CCDC50: variants seen among roughly 807,000 people sequenced by gnomAD.
The protein encoded by CCDC50 is coiled-coil domain containing 50.
A neutral mutation model predicts 70.2 loss-of-function variants in CCDC50; 54 were observed. That is an observed-to-expected ratio of 0.77 (90% CI 0.62 to 0.96). CCDC50 has a LOEUF of 0.96. Among genes scored for constraint, CCDC50 ranks in the 50% least tolerant of loss-of-function variants. The pLI is 0.00. For synonymous variants in CCDC50, 216 were observed against 198.8 expected (o/e 1.09, Z -0.73); for missense variants, 558 against 578.7 (o/e 0.96, Z 0.37).
rs776316692 is a variant in CCDC50, at chr3:191,353,225, T to C, written c.50-3863T>C. ...AAATGTCTGGGCAGAGGGGAGAGCC[T>C]ACGGGACCATTGAGATCTGGTGGGA... is the stretch of plus-strand genomic sequence containing the variant. On this transcript the variant is annotated intron_variant, in intron 1 of 11. Coordinates refer to ENST00000392455, the MANE Select transcript of CCDC50 (RefSeq NM_178335.3). Among the ~76,000 whole-genome samples, 37 of 142,364 alleles carry C rather than the reference T, an allele frequency of 2.6e-4. 10 individuals carry two copies. The highest frequency in any genetic ancestry group is 5.2e-4 in the Non-Finnish European group (33 of 63,122). 93.4% of individuals were successfully genotyped at this position (142,364 alleles called of 152,430 possible). A position where few individuals can be genotyped will look rare whatever the true frequency, so the allele number is the denominator to read the frequency against.
intron 4 of CCDC50, among the ~76,000 whole-genome samples, chr3:191,365,584 A>G (rs1712656465): frequency 6.6e-6 from 1 of 152,184 alleles, no homozygotes; most frequent in African/African-American, 2.4e-5. Flanking sequence ...TTTTGGATTT[A>G]TACCTGCCTT....
At chr3:191,364,316 C>T (rs1648190994) in intron 4 of CCDC50, among the ~76,000 whole-genome samples, 1 of 151,954 alleles carries the variant, frequency 6.6e-6, no homozygotes, top group South Asian at 2.1e-4. Flanking sequence ...ATCCGCCCAC[C>T]TCAGCCTCCC....
Position 191,380,899 on chromosome 3 carries a change from T to C in CCDC50, c.1209T>C (p.Ser403=). Residue 403 remains serine (S), a synonymous_variant, in exon 9 of 12, where the codon TCT becomes TCC. Coordinates refer to ENST00000392455, the MANE Select transcript of CCDC50 (RefSeq NM_178335.3). ...YKKAKEREKS[S]LDKRKQDPEW... The stretch of plus-strand genomic sequence containing the variant: ...AAGCCAAGGAGCGGGAGAAATCATC[T>C]TTGGACAAAAGAAAGCAAGACCCCG... The C allele has an allele frequency of 1.9e-6, 3 of 1,612,896 alleles. No individual in the cohort carries two copies. The highest frequency in any genetic ancestry group is 2.5e-6 in the Non-Finnish European group (3 of 1,179,212).
intron 1 of CCDC50, among the ~76,000 whole-genome samples, chr3:191,353,832 G>T (rs1277185438): frequency 1.0e-5 from 1 of 98,450 alleles, no homozygotes; most frequent in Admixed American, 1.1e-4. Context: ...GTGTGTATGT[G>T]TTCATGTACT....
intron 1 of CCDC50, among the ~76,000 whole-genome samples, chr3:191,330,172 C>T (rs537175181): frequency 6.6e-6 from 1 of 152,300 alleles, no homozygotes; most frequent in East Asian, 1.9e-4. Context: ...CTCCTTCTCT[C>T]CCTACTTTTC....
Position 191,381,167 on chromosome 3 carries a change from A to C in CCDC50, c.1242+235A>C, listed in dbSNP as rs866539732. On this transcript the variant is annotated intron_variant, in intron 9 of 11. Coordinates refer to ENST00000392455, the MANE Select transcript of CCDC50 (RefSeq NM_178335.3). ...GAAAACTCATTCTGTTCCCTTTAAG[A>C]CGGAGTGAAATGCAAGTGCTTCTGG... is the stretch of plus-strand genomic sequence containing the variant. Among the ~76,000 whole-genome samples the C allele has an allele frequency of 3.7e-3, 567 of 152,258 alleles. 1 individual carries two copies. The highest frequency in any genetic ancestry group is 5.8e-3 in the Non-Finnish European group (393 of 67,988).
At chr3:191,353,892 C>T (rs536262230) in intron 1 of CCDC50, among the ~76,000 whole-genome samples, 4 of 152,234 alleles carry the variant, frequency 2.6e-5, no homozygotes, top group South Asian at 4.1e-4. Context: ...CTCAGGCCCT[C>T]CTCATATCTT....
At position 191,375,286 on chromosome 3, in the gene CCDC50, A is replaced by G. The variant is rs1253911948; in HGVS notation, c.673A>G (p.Arg225Gly). The stretch of plus-strand genomic sequence containing the variant: ...CCATATTAACAATGAGCAGCATGAA[A>G]GGAAACGGTCCACTCAGGAGAGGCC... ...NPHINNEQHERKRSTQERPRR... is the reference protein window; with the variant it reads ...NPHINNEQHEGKRSTQERPRR... The change falls in exon 6 of 12, where the codon AGG becomes GGG. Residue 225 changes from arginine to glycine, a missense_variant. Physicochemically the swap from Arg to Gly is moderately radical, Grantham distance 125 (BLOSUM62 -2). Coordinates refer to ENST00000392455, the MANE Select transcript of CCDC50 (RefSeq NM_178335.3). 8 of 1,613,610 alleles carry G rather than the reference A, an allele frequency of 5.0e-6. No individual in the cohort carries two copies. The highest frequency in any genetic ancestry group is 6.8e-6 in the Non-Finnish European group (8 of 1,179,788).
At chr3:191,360,213 G>A (rs1287185458) in intron 3 of CCDC50, among the ~76,000 whole-genome samples, 1 of 152,212 alleles carries the variant, frequency 6.6e-6, no homozygotes, top group African/African-American at 2.4e-5. Flanking sequence ...GCTTTCCCAG[G>A]AGTCTGTATA....
intron 3 of CCDC50, among the ~76,000 whole-genome samples, chr3:191,360,808 T>C (rs1334624821): frequency 2.0e-5 from 3 of 152,082 alleles, no homozygotes; most frequent in Non-Finnish European, 4.4e-5. Flanking sequence ...GAGTTTTCCA[T>C]TGTTGGGTGT....
intron 4 of CCDC50, among the ~76,000 whole-genome samples, chr3:191,363,092 G>A (rs758848904): frequency 4.2e-4 from 62 of 148,586 alleles, no homozygotes; most frequent in Non-Finnish European, 8.0e-4. Flanking sequence ...TTTTTTCTCC[G>A]TTTAGAGAAA....
intron 1 of CCDC50, among the ~76,000 whole-genome samples, chr3:191,333,090 TC>T (rs891561049): frequency 6.6e-6 from 1 of 152,114 alleles, no homozygotes; most frequent in African/African-American, 2.4e-5. Flanking sequence ...TTCCACTGTC[TC>T]AAAGTTGGTG....
chr3:191,378,857 C>G (rs1713209592), intron 6 of CCDC50, among the ~76,000 whole-genome samples: 1 of 151,832 alleles, frequency 6.6e-6, no homozygotes, highest in South Asian at 2.1e-4. Context: ...CAATCAGGTT[C>G]TATTAGGTCT....
intron 6 of CCDC50, among the ~76,000 whole-genome samples, chr3:191,379,942 C>T (rs1713252603): frequency 6.6e-6 from 1 of 152,016 alleles, no homozygotes; most frequent in Non-Finnish European, 1.5e-5. Context: ...GGCAGGCTTG[C>T]TTAGATATCT....
chr3:191,354,902 T>C (rs1176808664), intron 1 of CCDC50, among the ~76,000 whole-genome samples: 2 of 152,324 alleles, frequency 1.3e-5, no homozygotes, highest in South Asian at 2.1e-4. Context: ...AGATTACTTA[T>C]ACTACCTAAT....
chr3:191,342,036 C>T (rs1456854506), intron 1 of CCDC50, among the ~76,000 whole-genome samples: 1 of 152,220 alleles, frequency 6.6e-6, no homozygotes, highest in East Asian at 1.9e-4. Context: ...TACCCATGAT[C>T]TCAAGGTATC....
intron 4 of CCDC50, among the ~76,000 whole-genome samples, chr3:191,363,406 C>T (rs11918771): frequency 0.16 from 24,939 of 152,156 alleles, 3,178 homozygotes; most frequent in African/African-American, 0.36. Flanking sequence ...AGCTCATTAA[C>T]TATTTAGCTT....
In CCDC50 at chr3:191,391,867, G is replaced by A. The variant is rs1576979046; in HGVS notation, c.*107G>A. ...TTTTCTCCTGTGTTTGCATTCCTGG[G>A]ATTTATCCTCAAGTGCATTTCTGAC... On this transcript the variant is annotated 3_prime_UTR_variant, in exon 12 of 12. Coordinates refer to ENST00000392455, the MANE Select transcript of CCDC50 (RefSeq NM_178335.3). The A allele has an allele frequency of 1.0e-6, 1 of 992,352 alleles. No individual in the cohort carries two copies. The highest frequency in any genetic ancestry group is 2.5e-5 in the East Asian group (1 of 39,986). 61.5% of individuals were successfully genotyped at this position (992,352 alleles called of 1,614,324 possible).
At chr3:191,341,386 G>A (rs1347160963) in intron 1 of CCDC50, among the ~76,000 whole-genome samples, 1 of 152,082 alleles carries the variant, frequency 6.6e-6, no homozygotes, top group Non-Finnish European at 1.5e-5. Context: ...AGGAACCTGA[G>A]GTTCAAAGAA....
Sources: gnomAD v4.1 joint callset for allele counts (sites outside exome capture counted in the v4.1 genomes callset) on GRCh38, gnomAD v4.1.1 for gene constraint, MANE v1.5 for transcripts, NCBI Gene and HGNC (gene_info 2026-07-23, HGNC 2026-07-21) for gene names.